Variants in ROR2 observed in about 807,000 individuals in gnomAD.
The protein encoded by ROR2 is ROR family WNT receptor 2.
Under a neutral mutation model 74.9 loss-of-function variants are expected in ROR2, and 33 were observed. The observed-to-expected ratio is 0.44, with a 90% CI of 0.33 to 0.59. The LOEUF (loss-of-function observed/expected upper bound fraction) is 0.59, where lower values mean the gene tolerates loss of function less well. Ranked by LOEUF, ROR2 falls within the 20% of genes least tolerant of loss-of-function variation. ROR2 has a pLI of 0.02. For synonymous variants in ROR2, 586 were observed against 558.7 expected (o/e 1.05, Z -0.69); for missense variants, 1,216 against 1,313.8 (o/e 0.93, Z 1.15).
chr9:91,932,722 C>T (rs1831581745), intron 1 of ROR2, among the ~76,000 whole-genome samples: 1 of 151,772 alleles, frequency 6.6e-6, no homozygotes, highest in Non-Finnish European at 1.5e-5. Context: ...AGTGAGGCAA[C>T]TGAGAATAAC....
chr9:91,926,074 T>C (rs944846746), intron 1 of ROR2, among the ~76,000 whole-genome samples: 2 of 148,102 alleles, frequency 1.4e-5, no homozygotes, highest in African/African-American at 5.0e-5. Flanking sequence ...CAAAACCCCA[T>C]CTCTACTAAA....
chr9:91,798,261 G>A (rs35676619), intron 1 of ROR2, among the ~76,000 whole-genome samples: 158 of 125,576 alleles, frequency 1.3e-3, no homozygotes, highest in South Asian at 2.9e-3. Context: ...TTCTGTGGGC[G>A]GGGCTGACAC....
intron 1 of ROR2, among the ~76,000 whole-genome samples, chr9:91,855,382 G>GGGCACGGCGTTCGGCC (rs1281765424): frequency 6.6e-6 from 1 of 152,250 alleles, no homozygotes; most frequent in African/African-American, 2.4e-5. Context: ...AGAGAGATCA[G>GGGCACGGCGTTCGGCC]GGCACGGCGT....
chr9:91,751,825 A>G (rs1825604443), intron 4 of ROR2, among the ~76,000 whole-genome samples: 2 of 152,246 alleles, frequency 1.3e-5, no homozygotes, highest in South Asian at 4.1e-4. Flanking sequence ...GAAAAATCTC[A>G]ATAAATTATC....
chr9:91,807,604 T>C (rs1380121194), intron 1 of ROR2, among the ~76,000 whole-genome samples: 1 of 152,156 alleles, frequency 6.6e-6, no homozygotes, highest in African/African-American at 2.4e-5. Flanking sequence ...GAAGAGGCAG[T>C]CTTGCAGAAC....
At chr9:91,908,969 TGTCA>T (rs1342164391) in intron 1 of ROR2, among the ~76,000 whole-genome samples, 1 of 152,188 alleles carries the variant, frequency 6.6e-6, no homozygotes, top group South Asian at 2.1e-4. Flanking sequence ...ATCCAGCTGT[TGTCA>T]GTATCGAGCC....
intron 1 of ROR2, among the ~76,000 whole-genome samples, chr9:91,805,103 C>T (rs956726569): frequency 3.9e-5 from 6 of 152,198 alleles, no homozygotes; most frequent in Admixed American, 2.0e-4. Flanking sequence ...TGACTATCCT[C>T]GAGTTCCCTG....
At chr9:91,872,652 G>A (rs561176653) in intron 1 of ROR2, among the ~76,000 whole-genome samples, 173 of 152,254 alleles carry the variant, frequency 1.1e-3, no homozygotes, top group African/African-American at 3.9e-3. Flanking sequence ...CAGCACTGTC[G>A]ACTGCTGAAA....
intron 1 of ROR2, among the ~76,000 whole-genome samples, chr9:91,840,367 C>T (rs28558279): frequency 0.031 from 4,669 of 152,302 alleles, 242 homozygotes; most frequent in African/African-American, 0.11. Flanking sequence ...CTTCCAGTGA[C>T]AGACCCCAGA....
intron 1 of ROR2, among the ~76,000 whole-genome samples, chr9:91,802,227 C>T (rs956845296): frequency 1.0e-4 from 15 of 150,488 alleles, no homozygotes; most frequent in Non-Finnish European, 2.9e-5. Flanking sequence ...GCGCCCGCCA[C>T]CAGGCCCGGC....
chr9:91,822,606 T>C (rs1215565224), intron 1 of ROR2, among the ~76,000 whole-genome samples: 1 of 152,324 alleles, frequency 6.6e-6, no homozygotes, highest in East Asian at 1.9e-4. Flanking sequence ...TGCCATAAAA[T>C]TCCTGATTCA....
At chr9:91,755,885 C>T (rs1398143800) in intron 4 of ROR2, 186 bp downstream of exon 4, 3 of 662,238 alleles carry the variant, frequency 4.5e-6, no homozygotes, top group Admixed American at 2.6e-5. Flanking sequence ...TTTTTCTGTA[C>T]AAGAAACATG....
chr9:91,922,099 GCAACAACAA>G (rs556349605), intron 1 of ROR2, among the ~76,000 whole-genome samples: 55 of 147,568 alleles, frequency 3.7e-4, no homozygotes, highest in African/African-American at 1.0e-3. Flanking sequence ...CCAAACAACA[GCAACAACAA>G]CAACAACAAC....
intron 1 of ROR2, among the ~76,000 whole-genome samples, chr9:91,801,287 G>A (rs557383793): frequency 6.6e-6 from 1 of 152,192 alleles, no homozygotes; most frequent in East Asian, 1.9e-4. Flanking sequence ...TCATGTGAAG[G>A]CTCTCGTGTC....
chr9:91,733,571 C>T lies in ROR2; in HGVS notation c.623-135G>A, dbSNP rs1824907152. ...ATGCCCCGCCCCGCCCCAGACTCCCCAACCCCGAGCCCCGCACACCACCCT... is the reference window on the plus strand; with the variant it reads ...ATGCCCCGCCCCGCCCCAGACTCCCTAACCCCGAGCCCCGCACACCACCCT... On this transcript the variant is annotated intron_variant, in intron 5 of 8. Coordinates refer to ENST00000375708, the MANE Select transcript of ROR2 (RefSeq NM_004560.4). This position sits in a 1 kb window ranked among gnomAD's most constrained non-coding sequence, Gnocchi z 5.7. 3.1e-6 allele frequency: 3 copies of T among 962,454 alleles called. No individual in the cohort carries two copies. The highest frequency in any genetic ancestry group is 3.2e-5 in the African/African-American group (2 of 61,990). 59.6% of individuals were successfully genotyped at this position (962,454 alleles called of 1,614,324 possible). A position where few individuals can be genotyped will look rare whatever the true frequency, so the allele number is the denominator to read the frequency against.
At chr9:91,866,600 T>C (rs10992143) in intron 1 of ROR2, among the ~76,000 whole-genome samples, 42,162 of 151,954 alleles carry the variant, frequency 0.28, 6,304 homozygotes, top group Admixed American at 0.43. Flanking sequence ...ACCAGCTGCA[T>C]GTTTTAAAGC....
intron 1 of ROR2, among the ~76,000 whole-genome samples, chr9:91,910,059 G>A (rs983354633): frequency 6.6e-6 from 1 of 151,074 alleles, no homozygotes; most frequent in Non-Finnish European, 1.5e-5. Flanking sequence ...ATGGGGTTTT[G>A]CCATATTGGC....
chr9:91,922,248 A>C (rs554947373), intron 1 of ROR2, among the ~76,000 whole-genome samples: 146 of 146,414 alleles, frequency 1.0e-3, no homozygotes, highest in East Asian at 3.7e-3. Context: ...GCAGTTCCCC[A>C]AAAAAAAAAA....
intron 4 of ROR2, among the ~76,000 whole-genome samples, chr9:91,752,585 G>C (rs1825626018): frequency 1.3e-5 from 2 of 152,214 alleles, no homozygotes; most frequent in African/African-American, 4.8e-5. Flanking sequence ...GAAGGGAGTT[G>C]ACTAGGAAGT....
Sources: gnomAD v4.1 joint callset for allele counts (sites outside exome capture counted in the v4.1 genomes callset) on GRCh38, gnomAD v4.1.1 for gene constraint, Gnocchi (gnomAD v3.1) non-coding constraint, MANE v1.5 for transcripts, NCBI Gene and HGNC (gene_info 2026-07-23, HGNC 2026-07-21) for gene names.